MEGF11: variants seen among roughly 807,000 people sequenced by gnomAD.
The protein encoded by MEGF11 is multiple EGF like domains 11.
MEGF11 carries 126 observed loss-of-function variants against 146.6 expected under a neutral mutation model. That is an observed-to-expected ratio of 0.86 (90% CI 0.74 to 1.00). MEGF11 has a LOEUF of 1.00. Ranked by LOEUF, MEGF11 falls within the 50% of genes least tolerant of loss-of-function variation. The pLI is 0.00. For synonymous variants in MEGF11, 532 were observed against 583.4 expected, an observed-to-expected ratio of 0.91 and a Z score of 1.27; for missense variants, 1,509 against 1,521.2, an observed-to-expected ratio of 0.99 and a Z score of 0.13.
chr15:66,028,702 A>G (rs1394748845), intron 5 of MEGF11, among the ~76,000 whole-genome samples: 1 of 152,256 alleles, frequency 6.6e-6, no homozygotes, highest in Non-Finnish European at 1.5e-5. Flanking sequence ...CCAACGCACT[A>G]TTATGTAGCC....
rs57047424 is a variant in MEGF11 at position 65,976,040 on chromosome 15, C to CTT, written c.762+4736_762+4737dup. Among the ~76,000 whole-genome samples the CTT allele has an allele frequency of 1.0e-3, 106 of 102,058 alleles. 1 individual carries two copies. Among genetic ancestry groups the CTT allele is most frequent in the African/African-American group, 3.5e-3 (98 of 28,010 alleles). 67.0% of individuals were successfully genotyped at this position (102,058 alleles called of 152,430 possible). On this transcript the variant is annotated intron_variant, in intron 7 of 25. Transcript: ENST00000395614. ...GCTGAAGTGTACCCCTTCAACATTC[C>CTT]TTTTTTTTTTTTTTTTTTTTGAGAT...
At chr15:65,992,068 C>T (rs985416659) in intron 5 of MEGF11, among the ~76,000 whole-genome samples, 4 of 152,200 alleles carry the variant, frequency 2.6e-5, no homozygotes, top group African/African-American at 7.2e-5. Context: ...GGCCCGGGAG[C>T]GGGCAGTGTC....
intron 11 of MEGF11, 93 bp downstream of exon 11, chr15:65,930,730 G>A (rs1017801666): frequency 1.3e-5 from 18 of 1,428,922 alleles, no homozygotes; most frequent in Non-Finnish European, 1.7e-5. Flanking sequence ...GGCGGGGGTT[G>A]GGGCAGCCCC....
intron 4 of MEGF11, among the ~76,000 whole-genome samples, chr15:66,109,292 C>T (rs567143768): frequency 1.3e-5 from 2 of 152,258 alleles, no homozygotes; most frequent in East Asian, 1.9e-4. Context: ...TACCACCTCA[C>T]GGCATCGCTT....
intron 7 of MEGF11, among the ~76,000 whole-genome samples, chr15:65,978,961 A>G (rs1055423050): frequency 6.6e-6 from 1 of 151,226 alleles, no homozygotes; most frequent in Admixed American, 6.6e-5. Context: ...AATCTCTTAA[A>G]GCTGGGAAAC....
At chr15:66,006,068 C>T (rs546063259) in intron 5 of MEGF11, among the ~76,000 whole-genome samples, 14 of 152,344 alleles carry the variant, frequency 9.2e-5, no homozygotes, top group Admixed American at 3.9e-4. Context: ...TTCTAAGCCT[C>T]AGTATTCATC....
At chr15:66,027,509 C>T (rs1020259949) in intron 5 of MEGF11, among the ~76,000 whole-genome samples, 2 of 152,190 alleles carry the variant, frequency 1.3e-5, no homozygotes, top group African/African-American at 4.8e-5. Context: ...GCATTCTTCC[C>T]GTTCACAATG....
chr15:65,944,672 C>T (rs1329161871), intron 10 of MEGF11, among the ~76,000 whole-genome samples: 1 of 152,150 alleles, frequency 6.6e-6, no homozygotes, highest in African/African-American at 2.4e-5. Context: ...CTGGGCCCTT[C>T]CTCTCTGGCT....
intron 5 of MEGF11, among the ~76,000 whole-genome samples, chr15:66,022,699 G>A (rs550678849): frequency 6.7e-4 from 102 of 151,928 alleles, no homozygotes; most frequent in African/African-American, 2.2e-3. Context: ...GCGTGGTGGC[G>A]CATGCCTGTA....
intron 5 of MEGF11, among the ~76,000 whole-genome samples, chr15:65,984,328 A>C (rs8023680): frequency 0.19 from 28,496 of 151,834 alleles, 2,875 homozygotes; most frequent in Non-Finnish European, 0.23. Context: ...GAGTTCAAGA[A>C]CAGCCTGGGC....
chr15:65,983,247 C>T (rs2081726117), intron 5 of MEGF11, among the ~76,000 whole-genome samples: 1 of 152,172 alleles, frequency 6.6e-6, no homozygotes, highest in East Asian at 1.9e-4. Context: ...AAGTAACAGG[C>T]AGCCTTCAAG....
At chr15:65,910,271 A>T (rs2078758732) in intron 21 of MEGF11, among the ~76,000 whole-genome samples, 1 of 152,176 alleles carries the variant, frequency 6.6e-6, no homozygotes, top group South Asian at 2.1e-4. Context: ...CTGCGACCAA[A>T]GGAAAGCTTC....
intron 21 of MEGF11, 88 bp downstream of exon 21, chr15:65,911,994 G>A: frequency 1.5e-6 from 1 of 659,998 alleles, no homozygotes; most frequent in Non-Finnish European, 2.1e-6. Flanking sequence ...CCTCCATGTG[G>A]CGGGGGGCGT....
intron 1 of MEGF11, among the ~76,000 whole-genome samples, chr15:66,129,898 T>G (rs1404218259): frequency 6.6e-6 from 1 of 152,228 alleles, no homozygotes; most frequent in East Asian, 1.9e-4. Flanking sequence ...ATCATCTGAC[T>G]GAAATGCAGA....
At chr15:65,905,774 T>C in intron 24 of MEGF11, 1 of 254,136 alleles carries the variant, frequency 3.9e-6, no homozygotes, top group South Asian at 1.2e-4. Flanking sequence ...TTATAATCAA[T>C]TTAACTCGTA....
At position 65,969,092 on chromosome 15, in the gene MEGF11, G is replaced by A. The variant is rs79694978; in HGVS notation, c.899+1461C>T. Among the ~76,000 whole-genome samples, 1,064 of 152,272 alleles carry A rather than the reference G, an allele frequency of 7.0e-3. 9 individuals carry two copies. Among genetic ancestry groups the A allele is most frequent in the Non-Finnish European group, 8.6e-3 (585 of 68,026 alleles). On this transcript the variant is annotated intron_variant, in intron 8 of 25. Transcript: ENST00000395614. ...GGCTTTAGGGGTTCCTCTCTGCCCA[G>A]GATCATGGACCAGGCTCCAACAAGC...
At position 66,055,852 on chromosome 15, in the gene MEGF11, T is replaced by C. The variant is rs1368599729; in HGVS notation, c.394+38550A>G. Among the ~76,000 whole-genome samples, 3 of 152,146 alleles carry C rather than the reference T, an allele frequency of 2.0e-5. No homozygotes were observed. The East Asian group carries it at 5.8e-4, about 29-fold the overall frequency. Reference sequence around the variant, plus strand: ...AGTTGAGGGGTGGTGGTGGTTTCCATCTCTCTCGTAGAGACTGGCCAGGAT... The same window carrying C: ...AGTTGAGGGGTGGTGGTGGTTTCCACCTCTCTCGTAGAGACTGGCCAGGAT... On this transcript the variant is annotated intron_variant, in intron 5 of 25. Coordinates refer to ENST00000395614, the MANE Select transcript of MEGF11 (RefSeq NM_001385028.1).
chr15:66,017,747 T>C (rs139735590), intron 5 of MEGF11, among the ~76,000 whole-genome samples: 59 of 152,304 alleles, frequency 3.9e-4, no homozygotes, highest in African/African-American at 9.9e-4. Context: ...AGAATGACCA[T>C]TGGTCTTGGG....
intron 8 of MEGF11, among the ~76,000 whole-genome samples, chr15:65,968,477 C>G (rs1406535424): frequency 2.6e-5 from 4 of 152,182 alleles, no homozygotes; most frequent in African/African-American, 4.8e-5. Context: ...CCCTAGCCCA[C>G]TATATTTTTG....
Sources: gnomAD v4.1 joint callset for allele counts (sites outside exome capture counted in the v4.1 genomes callset) on GRCh38, gnomAD v4.1.1 for gene constraint, MANE v1.5 for transcripts, NCBI Gene and HGNC (gene_info 2026-07-23, HGNC 2026-07-21) for gene names.